Variants in TUSC3 observed in about 807,000 individuals in gnomAD.
TUSC3 encodes the protein dolichyl-diphosphooligosaccharide--protein glycosyltransferase subunit TUSC3.
TUSC3 carries 45 observed loss-of-function variants against 44.8 expected under a neutral mutation model. The observed-to-expected ratio is 1.00, with a 90% confidence interval of 0.79 to 1.29. The LOEUF (loss-of-function observed/expected upper bound fraction) is 1.29. TUSC3 is among the 50% of genes most tolerant of loss of function. The probability of loss-of-function intolerance (pLI) is 0.00; values close to 1 mark genes in which losing one functional copy is unlikely to be tolerated. For synonymous variants in TUSC3, 212 were observed against 152.9 expected (o/e 1.39, Z -2.85); for missense variants, 519 against 437.9 (o/e 1.19, Z -1.65).
chr8:15,846,205 G>A, the TUSC3 span, among the ~76,000 whole-genome samples: 19 of 152,194 alleles, frequency 1.2e-4, 1 homozygote, highest in Non-Finnish European at 2.9e-5. Context: ...AACTCCGAGG[G>A]CAATTCTACT....
intron 6 of TUSC3, among the ~76,000 whole-genome samples, chr8:15,694,278 A>C (rs1809051233): frequency 6.6e-6 from 1 of 151,852 alleles, no homozygotes; most frequent in African/African-American, 2.4e-5. Context: ...CCCTGTCTCT[A>C]CTGAAAATAC....
chr8:15,488,176 T>C (rs1800758411), intron 2 of TUSC3, among the ~76,000 whole-genome samples: 2 of 152,086 alleles, frequency 1.3e-5, no homozygotes, highest in South Asian at 4.1e-4. Context: ...AAATTCTTCT[T>C]CACTATCCAC....
intron 1 of TUSC3, among the ~76,000 whole-genome samples, chr8:15,460,591 A>G (rs151303299): frequency 0.018 from 2,734 of 152,234 alleles, 89 homozygotes; most frequent in African/African-American, 0.062. Flanking sequence ...TCTTGGTCAT[A>G]AAATCCTTGA....
chr8:15,555,917 A>G (rs932407482), intron 1 of TUSC3, among the ~76,000 whole-genome samples: 1 of 150,946 alleles, frequency 6.6e-6, no homozygotes, highest in Non-Finnish European at 1.5e-5. Flanking sequence ...ATAAAAATAT[A>G]TCAATAATGT....
intron 2 of TUSC3, among the ~76,000 whole-genome samples, chr8:15,490,831 T>C (rs1032794381): frequency 6.6e-6 from 1 of 152,160 alleles, no homozygotes; most frequent in Middle Eastern, 3.2e-3. Context: ...GTGTTGTAAA[T>C]CAAAGAAAAT....
At chr8:15,556,012 T>C (rs1042205615) in intron 1 of TUSC3, among the ~76,000 whole-genome samples, 2 of 151,342 alleles carry the variant, frequency 1.3e-5, no homozygotes, top group Admixed American at 6.6e-5. Flanking sequence ...TTTTTTATTT[T>C]TTTTTTATTA....
intron 1 of TUSC3, chr8:15,561,731 A>T (rs565602392): frequency 6.8e-6 from 1 of 147,630 alleles, no homozygotes; most frequent in Non-Finnish European, 1.5e-5. Flanking sequence ...AGCCCGTCGG[A>T]AAAGCGCAGT....
chr8:15,529,228 A>C (rs904933402), intron 2 of TUSC3, among the ~76,000 whole-genome samples: 1 of 152,216 alleles, frequency 6.6e-6, no homozygotes, highest in East Asian at 1.9e-4. Flanking sequence ...ATCTTTTACT[A>C]AGCAATTCCC....
chr8:15,552,122 GT>G (rs1802080010), intron 1 of TUSC3, among the ~76,000 whole-genome samples: 1 of 151,666 alleles, frequency 6.6e-6, no homozygotes, highest in African/African-American at 2.4e-5. Context: ...TGTTGTAAAT[GT>G]TTTTCATATT....
intron 1 of TUSC3, among the ~76,000 whole-genome samples, chr8:15,622,685 T>G (rs1563138982): frequency 6.6e-6 from 1 of 152,180 alleles, no homozygotes; most frequent in South Asian, 2.1e-4. Flanking sequence ...TTGTAGTTTT[T>G]GTTGTTGTTT....
downstream of TUSC3, among the ~76,000 whole-genome samples, chr8:15,768,827 C>G (rs1043678710): frequency 2.0e-5 from 3 of 152,112 alleles, no homozygotes; most frequent in African/African-American, 7.2e-5. Context: ...CTCCCATTCA[C>G]AATTGCTACA....
intron 1 of TUSC3, among the ~76,000 whole-genome samples, chr8:15,473,067 A>G (rs1027486732): frequency 1.3e-5 from 2 of 152,172 alleles, no homozygotes; most frequent in African/African-American, 4.8e-5. Flanking sequence ...TTGGATGGAA[A>G]ATATCTCAAC....
chr8:15,643,678 G>A (rs1806488609), intron 2 of TUSC3, among the ~76,000 whole-genome samples: 1 of 152,122 alleles, frequency 6.6e-6, no homozygotes, highest in Admixed American at 6.6e-5. Flanking sequence ...CAATATGGTA[G>A]TGAACTGTTG....
rs1017666686 is a variant in TUSC3, at chr8:15,749,624, G to A, written c.1028+1159G>A. On this transcript the variant is annotated intron_variant, in intron 9 of 10. Transcript: ENST00000503731. ...AAGGGTTATGAGAGAGGCAAGCAGAGTCTTCAGGTTTTTCATTTTACTCTT... is the reference window on the plus strand; with the variant it reads ...AAGGGTTATGAGAGAGGCAAGCAGAATCTTCAGGTTTTTCATTTTACTCTT... 2.6e-5 allele frequency among the ~76,000 whole-genome samples: 4 copies of A among 151,510 alleles called. No homozygotes were observed. The East Asian group carries it at 7.8e-4, about 30-fold the overall frequency.
intron 2 of TUSC3, among the ~76,000 whole-genome samples, chr8:15,643,959 C>G (rs998506871): frequency 6.6e-6 from 1 of 152,048 alleles, no homozygotes; most frequent in Non-Finnish European, 1.5e-5. Context: ...ACGTATATAA[C>G]TGTAAAGACA....
intron 2 of TUSC3, among the ~76,000 whole-genome samples, chr8:15,491,875 G>C (rs1488289413): frequency 6.6e-6 from 1 of 152,146 alleles, no homozygotes; most frequent in Admixed American, 6.6e-5. Context: ...CTCCTAAGTA[G>C]TTTTTAATGC....
intron 2 of TUSC3, among the ~76,000 whole-genome samples, chr8:15,491,916 T>C (rs1298997193): frequency 1.3e-5 from 2 of 152,210 alleles, no homozygotes; most frequent in Non-Finnish European, 2.9e-5. Flanking sequence ...TAATTTACTT[T>C]ATATATTTAC....
At chr8:15,734,876 CA>C (rs1256340505) in intron 7 of TUSC3, among the ~76,000 whole-genome samples, 1 of 152,140 alleles carries the variant, frequency 6.6e-6, no homozygotes, top group Non-Finnish European at 1.5e-5. Context: ...GGCTGGAATA[CA>C]AATTTTGAGG....
At chr8:15,809,492 C>T in the TUSC3 span, among the ~76,000 whole-genome samples, 1 of 149,978 alleles carries the variant, frequency 6.7e-6, no homozygotes, top group Non-Finnish European at 1.5e-5. Context: ...ATTCCAAGAC[C>T]CCCCCTGTAG....
Sources: allele counts gnomAD v4.1 joint callset (sites outside exome capture counted in the v4.1 genomes callset), GRCh38; gene constraint gnomAD v4.1.1; transcripts MANE v1.5; gene names NCBI Gene and HGNC (gene_info 2026-07-23, HGNC 2026-07-21).